F5: variants seen among roughly 807,000 people sequenced by gnomAD.
F5 encodes the protein activated protein c cofactor.
In F5, 138 loss-of-function variants were observed where a neutral mutation model predicts 216.4. That is an observed-to-expected ratio of 0.64 (90% CI 0.56 to 0.73). F5 has a LOEUF of 0.73. Among genes scored for constraint, F5 ranks in the 30% least tolerant of loss-of-function variants. The probability of loss-of-function intolerance (pLI) is 0.00; values close to 1 mark genes in which losing one functional copy is unlikely to be tolerated. For synonymous variants in F5, 916 were observed against 930.7 expected, an observed-to-expected ratio of 0.98 and a Z score of 0.29; for missense variants, 2,403 against 2,674.0, an observed-to-expected ratio of 0.90 and a Z score of 2.24.
chr1:169,577,595 ATATATATATG>A (rs201799126), intron 2 of F5, among the ~76,000 whole-genome samples: 53 of 105,046 alleles, frequency 5.0e-4, no homozygotes, highest in African/African-American at 1.2e-3. Flanking sequence ...ATATATATAT[ATATATATATG>A]TATGTATTTT....
At chr1:169,527,164 G>A (rs1358613756) in intron 17 of F5, among the ~76,000 whole-genome samples, 2 of 152,108 alleles carry the variant, frequency 1.3e-5, no homozygotes, top group Non-Finnish European at 2.9e-5. Context: ...ATAGAAGGAA[G>A]GCTGCTTGTT....
chr1:169,520,783 A>T (rs1557905465), intron 21 of F5, 119 bp from the exon 22 acceptor site: 1 of 841,022 alleles, frequency 1.2e-6, no homozygotes, highest in Non-Finnish European at 1.9e-6. Flanking sequence ...AAACTAAATC[A>T]ATTTGGTTAT....
rs1254708232 is a variant in F5, at chr1:169,513,030, G to T, written c.*1283C>A. 1.3e-5 allele frequency among the ~76,000 whole-genome samples: 2 copies of T among 151,974 alleles called. No individual in the cohort carries two copies. Among genetic ancestry groups the T allele is most frequent in the Admixed American group, 6.6e-5 (1 of 15,244 alleles). On this transcript the variant is annotated 3_prime_UTR_variant, in exon 25 of 25. Transcript: ENST00000367797. ...CCTTAATTTCATTATTTACCCAGTA[G>T]TCATTCAGGAGCAGGTTGTTCAGTT...
chr1:169,563,802 T>C (rs896204664), intron 3 of F5, among the ~76,000 whole-genome samples: 4 of 152,066 alleles, frequency 2.6e-5, no homozygotes, highest in Admixed American at 6.6e-5. Context: ...CTGGAACATA[T>C]TGAGAAGATT....
chr1:169,583,247 A>G (rs953521262), intron 1 of F5, among the ~76,000 whole-genome samples: 2 of 152,204 alleles, frequency 1.3e-5, no homozygotes, highest in Non-Finnish European at 2.9e-5. Context: ...AATCAGTCTT[A>G]TCCTTGTCTT....
intron 1 of F5, among the ~76,000 whole-genome samples, chr1:169,582,841 T>C (rs1456118163): frequency 6.6e-6 from 1 of 152,236 alleles, no homozygotes; most frequent in African/African-American, 2.4e-5. Flanking sequence ...AGATTTTATA[T>C]GATTAAAATA....
intron 24 of F5, among the ~76,000 whole-genome samples, chr1:169,514,668 C>T (rs887776295): frequency 1.3e-5 from 2 of 152,016 alleles, no homozygotes; most frequent in South Asian, 4.1e-4. Flanking sequence ...AGCCATCATG[C>T]CCAACCCAGA....
At chr1:169,577,090 C>A (rs9332506) in intron 2 of F5, among the ~76,000 whole-genome samples, 4,575 of 152,200 alleles carry the variant, frequency 0.03, 225 homozygotes, top group African/African-American at 0.1. Flanking sequence ...TGGCCTAAAA[C>A]CCTTCTAACC....
chr1:169,536,570 T>C lies in F5; in HGVS notation c.4907A>G (p.Glu1636Gly), dbSNP rs1260594251. 1 of 1,613,448 alleles carries C rather than the reference T, an allele frequency of 6.2e-7. No individual in the cohort carries two copies. The highest frequency in any genetic ancestry group is 1.3e-5 in the African/African-American group (1 of 74,886). ...STFTKRDPRG[E>G]YEEHLGILGP... Reference sequence around the variant, plus strand: ...AAGAATTCCGAGATGCTCTTCATACTCCCCTCGAGGATCACGTTTGGTAAA... The same window carrying C: ...AAGAATTCCGAGATGCTCTTCATACCCCCCTCGAGGATCACGTTTGGTAAA... Residue 1636 changes from glutamate (E) to glycine (G), a missense_variant, in exon 14 of 25, where the codon GAG (glutamate) becomes GGG (glycine). By Grantham distance (98) the Glu-to-Gly change is moderately conservative. Around this residue, in one of 4 missense-constraint regions of F5, gnomAD observed 659 missense variants for 787.9 expected, o/e 0.84. Coordinates refer to ENST00000367797, the MANE Select transcript of F5 (RefSeq NM_000130.5).
At chr1:169,544,261 A>C (rs1252949465) in intron 12 of F5, 35 bp downstream of exon 12, 2 of 1,591,834 alleles carry the variant, frequency 1.3e-6, no homozygotes, top group Non-Finnish European at 1.7e-6. Flanking sequence ...AATTCAAAGC[A>C]AGCTTCCTCT....
chr1:169,568,805 C>T (rs1014365478), intron 3 of F5, among the ~76,000 whole-genome samples: 2 of 152,094 alleles, frequency 1.3e-5, no homozygotes, highest in Admixed American at 6.6e-5. Flanking sequence ...TGCATACAAG[C>T]TTTGGGAAAG....
intron 22 of F5, among the ~76,000 whole-genome samples, chr1:169,519,752 A>G (rs1480416447): frequency 6.6e-6 from 1 of 152,150 alleles, no homozygotes; most frequent in Non-Finnish European, 1.5e-5. Flanking sequence ...TCAGCAGCCA[A>G]GTGGGGCCTG....
intron 1 of F5, among the ~76,000 whole-genome samples, 200 bp downstream of exon 1, chr1:169,586,029 C>T (rs1167891105): frequency 1.3e-5 from 2 of 151,862 alleles, no homozygotes; most frequent in Non-Finnish European, 2.9e-5. Context: ...TTTCTAAACC[C>T]TCAGAATGAT....
rs1659907383 is a variant in F5 at position 169,542,994 on chromosome 1, G to A, written c.2096C>T (p.Pro699Leu). 3.7e-6 allele frequency: 6 copies of A among 1,614,004 alleles called. No homozygotes were observed. The South Asian group carries it at 5.5e-5, about 15-fold the overall frequency. ...DEDSYEIFEP[P>L]ESTVMATRKM... ...CCGTGTAGCCATGACTGTAGATTCTGGAGGTTCAAAAATCTCATATGAGTC... is the reference window on the plus strand; with the variant it reads ...CCGTGTAGCCATGACTGTAGATTCTAGAGGTTCAAAAATCTCATATGAGTC... The change falls in exon 13 of 25, where the codon CCA (proline) becomes CTA (leucine). Residue 699 changes from proline (P) to leucine (L), a missense_variant. Physicochemically the swap from Pro to Leu is moderately conservative, Grantham distance 98. This residue lies in a region of F5 where 1,425 missense variants were observed against 1,554.8 expected (regional missense o/e 0.92). Coordinates refer to ENST00000367797, the MANE Select transcript of F5 (RefSeq NM_000130.5).
intron 14 of F5, among the ~76,000 whole-genome samples, chr1:169,531,480 T>G (rs552141983): frequency 6.6e-6 from 1 of 152,028 alleles, no homozygotes; most frequent in Admixed American, 6.6e-5. Flanking sequence ...TATTTAGGAG[T>G]GGTTGGAAGA....
intron 11 of F5, among the ~76,000 whole-genome samples, chr1:169,544,851 A>G (rs566916677): frequency 6.6e-6 from 1 of 152,240 alleles, no homozygotes; most frequent in East Asian, 1.9e-4. Flanking sequence ...AAAGCATAAT[A>G]TAAGAAATTC....
intron 16 of F5, among the ~76,000 whole-genome samples, chr1:169,528,853 G>A (rs941016244): frequency 1.3e-5 from 2 of 152,162 alleles, no homozygotes; most frequent in African/African-American, 4.8e-5. Flanking sequence ...TAAGTTAGAG[G>A]AACTGCTGTG....
intron 23 of F5, among the ~76,000 whole-genome samples, chr1:169,516,475 T>C (rs1659157382): frequency 6.6e-6 from 1 of 152,242 alleles, no homozygotes; most frequent in Non-Finnish European, 1.5e-5. Flanking sequence ...TATGTGTATA[T>C]ATAGGTGTAT....
intron 14 of F5, among the ~76,000 whole-genome samples, chr1:169,532,941 C>G (rs542744580): frequency 3.9e-5 from 6 of 152,048 alleles, no homozygotes; most frequent in Non-Finnish European, 7.4e-5. Flanking sequence ...GCAAAAAGAA[C>G]AAATCTGGAG....
Sources: allele counts gnomAD v4.1 joint callset (sites outside exome capture counted in the v4.1 genomes callset), GRCh38; gene constraint gnomAD v4.1.1; regional missense constraint gnomAD v4.1.1; transcripts MANE v1.5; gene names NCBI Gene and HGNC (gene_info 2026-07-23, HGNC 2026-07-21).